The following PIGU variants were observed in gnomAD, a reference collection of about 807,000 sequenced individuals.
The protein encoded by PIGU is GPI-anchor transamidase component PIGU.
In PIGU, 24 loss-of-function variants were observed where a neutral mutation model predicts 49.9. The observed-to-expected ratio is 0.48, with a 90% CI of 0.35 to 0.68. PIGU has a LOEUF of 0.68. Among genes scored for constraint, PIGU ranks in the 30% least tolerant of loss-of-function variants. The pLI is 0.01. For synonymous variants in PIGU, 220 were observed against 205.7 expected, an observed-to-expected ratio of 1.07 and a Z score of -0.59; for missense variants, 490 against 532.6, an observed-to-expected ratio of 0.92 and a Z score of 0.79.
At position 34,579,646 on chromosome 20, in the gene PIGU, G is replaced by A. The variant is rs774462312; in HGVS notation, c.1051+1902C>T. 2.0e-4 allele frequency among the ~76,000 whole-genome samples: 30 copies of A among 152,168 alleles called. 1 individual carries two copies. The highest frequency in any genetic ancestry group is 3.5e-4 in the Non-Finnish European group (24 of 68,042). ...CCTGCTGCAGGAGCAGTGAAGCAAA[G>A]GTGGACAGCTACTGTTCTCTGCAGG... On this transcript the variant is annotated intron_variant, in intron 10 of 11. Transcript: ENST00000217446.
intron 4 of PIGU, among the ~76,000 whole-genome samples, chr20:34,643,046 C>T (rs1171532190): frequency 6.6e-6 from 1 of 152,016 alleles, no homozygotes; most frequent in African/African-American, 2.4e-5. Flanking sequence ...ATTTCATCTA[C>T]GGCCCTCAAG....
Position 34,677,041 on chromosome 20 carries a change from C to T in PIGU, c.45G>A (p.Val15=). ...LVLVLVVAVT[V]RAALFRSSLA... ...GACTGGAGCGGAACAAGGCCGCCCG[C>T]ACTGTCACAGCCACCACCAGCACCA... Residue 15 remains valine, a synonymous_variant, in exon 1 of 12, where the codon GTG becomes GTA. Coordinates refer to ENST00000217446, the MANE Select transcript of PIGU (RefSeq NM_080476.5). 1 of 1,577,024 alleles carries T rather than the reference C, an allele frequency of 6.3e-7. No individual in the cohort carries two copies. Among genetic ancestry groups the T allele is most frequent in the Non-Finnish European group, 8.6e-7 (1 of 1,161,806 alleles).
chr20:34,676,914 G>T lies in PIGU; in HGVS notation c.130+42C>A, dbSNP rs1454773805. On this transcript the variant is annotated intron_variant, in intron 1 of 11. Coordinates refer to ENST00000217446, the MANE Select transcript of PIGU (RefSeq NM_080476.5). ...CTCCCATTCACAGAGGCCGCGGGAG[G>T]GCAGGTGGGGCCTGACAGTCTGCTC... is the stretch of plus-strand genomic sequence containing the variant. 1.2e-5 allele frequency: 18 copies of T among 1,554,346 alleles called. No individual in the cohort carries two copies. In the Admixed American group the frequency reaches 3.5e-4, roughly 30 times the overall value.
chr20:34,638,474 A>T (rs988881415), intron 4 of PIGU, among the ~76,000 whole-genome samples: 3 of 152,254 alleles, frequency 2.0e-5, no homozygotes, highest in African/African-American at 7.2e-5. Flanking sequence ...ATGTATGCCT[A>T]ACACCTGGCA....
At chr20:34,566,828 C>T (rs1982788604) in intron 11 of PIGU, among the ~76,000 whole-genome samples, 1 of 152,196 alleles carries the variant, frequency 6.6e-6, no homozygotes, top group Non-Finnish European at 1.5e-5. Context: ...CATGCCAGGC[C>T]TGTGCTGACA....
intron 7 of PIGU, among the ~76,000 whole-genome samples, chr20:34,606,638 G>A (rs747196299): frequency 1.3e-5 from 2 of 152,146 alleles, no homozygotes; most frequent in South Asian, 2.1e-4. Flanking sequence ...AGTTGATAAC[G>A]TGTATTTTGT....
chr20:34,603,988 G>A (rs1984526061), intron 7 of PIGU, among the ~76,000 whole-genome samples: 1 of 152,078 alleles, frequency 6.6e-6, no homozygotes, highest in Non-Finnish European at 1.5e-5. Context: ...TCTGCCTAAA[G>A]GGGACAGATC....
chr20:34,676,642 T>C (rs1987509802), intron 1 of PIGU, among the ~76,000 whole-genome samples: 1 of 152,124 alleles, frequency 6.6e-6, no homozygotes. Context: ...CCTCCTCCTC[T>C]TATTCCAACC....
At chr20:34,613,648 A>G (rs545536967) in intron 7 of PIGU, among the ~76,000 whole-genome samples, 15 of 152,368 alleles carry the variant, frequency 9.8e-5, no homozygotes, top group Non-Finnish European at 1.5e-4. Context: ...ATATATTCTT[A>G]GTGCTTAGAC....
chr20:34,594,990 G>C (rs952782882), intron 7 of PIGU, among the ~76,000 whole-genome samples: 1 of 150,726 alleles, frequency 6.6e-6, no homozygotes, highest in African/African-American at 2.4e-5. Flanking sequence ...TACTCGGGAG[G>C]CCGAGGCAGG....
At chr20:34,576,906 T>C (rs1983258450) in intron 10 of PIGU, among the ~76,000 whole-genome samples, 1 of 152,214 alleles carries the variant, frequency 6.6e-6, no homozygotes, top group African/African-American at 2.4e-5. Flanking sequence ...TGGGGCCACC[T>C]GGATTGTCCA....
intron 9 of PIGU, among the ~76,000 whole-genome samples, chr20:34,584,504 CTTTTTTTTTTTT>C (rs5841174): frequency 3.0e-5 from 2 of 66,406 alleles, no homozygotes; most frequent in Non-Finnish European, 5.7e-5. Context: ...AACTCCTGTT[CTTTTTTTTTTTT>C]TTTTTTTTTT....
At chr20:34,628,028 T>C (rs1485378960) in intron 6 of PIGU, among the ~76,000 whole-genome samples, 2 of 152,194 alleles carry the variant, frequency 1.3e-5, no homozygotes, top group African/African-American at 4.8e-5. Context: ...ACCTAAGGCA[T>C]CCTCGGGTGC....
chr20:34,663,980 AATTC>A (rs1987004194), intron 1 of PIGU, among the ~76,000 whole-genome samples: 1 of 152,218 alleles, frequency 6.6e-6, no homozygotes, highest in East Asian at 1.9e-4. Flanking sequence ...CCTAAAATGT[AATTC>A]ATCTCAGATA....
intron 7 of PIGU, among the ~76,000 whole-genome samples, chr20:34,593,626 A>G (rs1170119767): frequency 6.6e-6 from 1 of 152,208 alleles, no homozygotes; most frequent in Admixed American, 6.5e-5. Context: ...ATAAAAATTG[A>G]CTTTTTAATC....
intron 7 of PIGU, among the ~76,000 whole-genome samples, chr20:34,589,104 TAC>T (rs11469162): frequency 0.012 from 1,768 of 145,988 alleles, 15 homozygotes; most frequent in South Asian, 0.038. Context: ...TACTATTATT[TAC>T]ACACACACAC....
intron 7 of PIGU, among the ~76,000 whole-genome samples, chr20:34,612,585 A>AATAT (rs1318751869): frequency 2.6e-5 from 4 of 151,682 alleles, no homozygotes; most frequent in African/African-American, 9.7e-5. Flanking sequence ...TAAATAAATA[A>AATAT]CCAAGTCTCG....
Position 34,584,183 on chromosome 20 carries a change from T to C in PIGU, c.926+1254A>G, listed in dbSNP as rs138562420. Among the ~76,000 whole-genome samples, 9 of 152,274 alleles carry C rather than the reference T, an allele frequency of 5.9e-5. No individual in the cohort carries two copies. In the East Asian group the frequency reaches 1.5e-3, roughly 26 times the overall value. ...CATCCCACCTCTCTGAGCATCGATT[T>C]CCTCAACTATAAAATGGGAGTGATA... On this transcript the variant is annotated intron_variant, in intron 9 of 11. Transcript: ENST00000217446.
chr20:34,573,732 G>A (rs1983108981), intron 11 of PIGU, among the ~76,000 whole-genome samples: 1 of 152,250 alleles, frequency 6.6e-6, no homozygotes, highest in Non-Finnish European at 1.5e-5. Flanking sequence ...GAGCCCTGCA[G>A]AATTCTGCCT....
Sources: gnomAD v4.1 joint callset for allele counts (sites outside exome capture counted in the v4.1 genomes callset) on GRCh38, gnomAD v4.1.1 for gene constraint, MANE v1.5 for transcripts, NCBI Gene and HGNC (gene_info 2026-07-23, HGNC 2026-07-21) for gene names.